The following IRF2 variants were observed in gnomAD, a reference collection of about 807,000 sequenced individuals.
IRF2 encodes interferon regulatory factor 2.
A neutral mutation model predicts 40.6 loss-of-function variants in IRF2; 15 were observed. The observed-to-expected ratio is 0.37, with a 90% confidence interval of 0.25 to 0.57. The LOEUF (loss-of-function observed/expected upper bound fraction) is 0.57, where lower values mean the gene tolerates loss of function less well. Among genes scored for constraint, IRF2 ranks in the 20% least tolerant of loss-of-function variants. IRF2 has a pLI of 0.77. For synonymous variants in IRF2, 151 were observed against 165.5 expected, an observed-to-expected ratio of 0.91 and a Z score of 0.67; for missense variants, 317 against 455.7, an observed-to-expected ratio of 0.70 and a Z score of 2.77.
chr4:184,390,244 G>A (rs1469014490), intron 8 of IRF2, among the ~76,000 whole-genome samples: 1 of 152,170 alleles, frequency 6.6e-6, no homozygotes, highest in Admixed American at 6.5e-5. Flanking sequence ...ACTCGGAATC[G>A]AGATGGGGCA....
intron 1 of IRF2, among the ~76,000 whole-genome samples, chr4:184,459,772 A>G (rs1427579110): frequency 6.6e-6 from 1 of 152,248 alleles, no homozygotes; most frequent in Non-Finnish European, 1.5e-5. Flanking sequence ...ATCATTAATT[A>G]CCAGGGAAAT....
intron 1 of IRF2, among the ~76,000 whole-genome samples, chr4:184,432,211 C>A (rs1465173613): frequency 6.6e-6 from 1 of 152,210 alleles, no homozygotes; most frequent in Non-Finnish European, 1.5e-5. Flanking sequence ...TCCACAACCC[C>A]CAAATCAATA....
chr4:184,418,047 G>C, intron 5 of IRF2, 120 bp downstream of exon 5: 1 of 785,848 alleles, frequency 1.3e-6, no homozygotes, highest in Non-Finnish European at 2.2e-6. Context: ...AAGCACAGAA[G>C]ACACAAGCAA....
chr4:184,392,768 T>C (rs1340429626), intron 7 of IRF2, among the ~76,000 whole-genome samples: 3 of 152,160 alleles, frequency 2.0e-5, no homozygotes, highest in Non-Finnish European at 4.4e-5. Flanking sequence ...ACTCCACTGG[T>C]CCCAGCCTGG....
rs1272983548 is a variant in IRF2 at position 184,425,978 on chromosome 4, T to TTTTTTTTGTTTG, written c.87+2999_87+3000insCAAACAAAAAAA. On this transcript the variant is annotated intron_variant, in intron 2 of 8. Transcript: ENST00000393593. ...AGGTCTCTGCAGGGCTCACTCCGGTTTTTGTTTGTTTGTTTGTTTGTTTGT... is the reference window on the plus strand; with the variant it reads ...AGGTCTCTGCAGGGCTCACTCCGGTTTTTTTTTGTTTGTTTGTTTGTTTGTTTGTTTGTTTGT... Among the ~76,000 whole-genome samples the TTTTTTTTGTTTG allele has an allele frequency of 9.1e-5, 9 of 98,922 alleles. No individual in the cohort carries two copies. The South Asian group carries it at 1.4e-3, about 15-fold the overall frequency. 64.9% of individuals were successfully genotyped at this position (98,922 alleles called of 152,430 possible). A position where few individuals can be genotyped will look rare whatever the true frequency, so the allele number is the denominator to read the frequency against.
At position 184,388,050 on chromosome 4, in the gene IRF2, C is replaced by A. The variant is rs921956261; in HGVS notation, c.*708G>T. The A allele has an allele frequency of 6.6e-6, 1 of 152,560 alleles. No individual in the cohort carries two copies. Among genetic ancestry groups the A allele is most frequent in the African/African-American group, 2.4e-5 (1 of 41,426 alleles). The allele number at this position is 152,560 out of a possible 1,614,324, so 9.5% of individuals were successfully genotyped here. Reference sequence around the variant, plus strand: ...GAATTTGCATAATATTTCCATGATACTTTTTCCTTTGTACCGCGTGGCATT... The same window carrying A: ...GAATTTGCATAATATTTCCATGATAATTTTTCCTTTGTACCGCGTGGCATT... On this transcript the variant is annotated 3_prime_UTR_variant, in exon 9 of 9. Coordinates refer to ENST00000393593, the MANE Select transcript of IRF2 (RefSeq NM_002199.4). This position sits in a 1 kb window ranked among gnomAD's most constrained non-coding sequence, Gnocchi z 4.6.
chr4:184,446,781 G>A (rs1238805374), intron 1 of IRF2, among the ~76,000 whole-genome samples: 5 of 151,776 alleles, frequency 3.3e-5, no homozygotes, highest in African/African-American at 4.8e-5. Flanking sequence ...GTGAAACCCC[G>A]TCTCTACTAA....
At chr4:184,411,084 G>T (rs937867778) in intron 5 of IRF2, among the ~76,000 whole-genome samples, 95 of 149,676 alleles carry the variant, frequency 6.3e-4, no homozygotes, top group Admixed American at 1.5e-3. Flanking sequence ...TTGACATGGG[G>T]TGTCACACTA....
intron 1 of IRF2, among the ~76,000 whole-genome samples, chr4:184,439,990 T>C (rs967062015): frequency 9.9e-5 from 15 of 152,210 alleles, no homozygotes; most frequent in Non-Finnish European, 2.1e-4. Context: ...ATGCAGTGTG[T>C]TAACGTTCAC....
intron 1 of IRF2, among the ~76,000 whole-genome samples, chr4:184,457,301 T>C (rs1188828345): frequency 6.6e-6 from 1 of 152,216 alleles, no homozygotes; most frequent in Admixed American, 6.5e-5. Context: ...CTCCAGTTCC[T>C]GAGTCCCACT....
intron 7 of IRF2, 75 bp from the exon 8 acceptor site, chr4:184,390,824 A>G (rs77089435): frequency 0.054 from 81,048 of 1,514,656 alleles, 2,335 homozygotes; most frequent in South Asian, 0.078. Flanking sequence ...CAGTGTTTAT[A>G]AAAAGGAGAC....
intron 5 of IRF2, among the ~76,000 whole-genome samples, chr4:184,410,573 C>T (rs1170296438): frequency 1.3e-5 from 2 of 152,206 alleles, no homozygotes; most frequent in Admixed American, 1.3e-4. Flanking sequence ...CATGCCCCAC[C>T]TTTCACTAGT....
chr4:184,422,229 C>G (rs746181969), intron 2 of IRF2, among the ~76,000 whole-genome samples: 1 of 152,150 alleles, frequency 6.6e-6, no homozygotes. Context: ...TCCTTTGTAG[C>G]AACATGAAAC....
At chr4:184,450,947 C>T (rs936875859) in intron 1 of IRF2, among the ~76,000 whole-genome samples, 9 of 152,144 alleles carry the variant, frequency 5.9e-5, no homozygotes, top group Non-Finnish European at 8.8e-5. Context: ...TCCTCCTCCA[C>T]GGAAGCCCTG....
rs536505606 is a variant in IRF2, at chr4:184,455,116, T to A, written c.-7+19263A>T. Among the ~76,000 whole-genome samples the A allele has an allele frequency of 3.9e-5, 6 of 152,202 alleles. No homozygotes were observed. In the South Asian group the frequency reaches 1.0e-3, roughly 26 times the overall value. The stretch of plus-strand genomic sequence containing the variant: ...TCCTTCCATGGTTCCACAACGCCCA[T>A]TGAATAAAATCTGGACTCCTGGCCA... On this transcript the variant is annotated intron_variant, in intron 1 of 8. Transcript: ENST00000393593.
rs1016533369 is a variant in IRF2 at position 184,464,483 on chromosome 4, T to A, written c.-7+9896A>T. On this transcript the variant is annotated intron_variant, in intron 1 of 8. Transcript: ENST00000393593. ...ATGAAGATAGGGAATGTACAGGACA[T>A]GAAGATAGGGACTATACAGGACATG... 2.0e-5 allele frequency among the ~76,000 whole-genome samples: 3 copies of A among 152,156 alleles called. No homozygotes were observed. The South Asian group carries it at 6.2e-4, about 32-fold the overall frequency.
Position 184,389,036 on chromosome 4 carries a change from C to T in IRF2, c.772G>A (p.Glu258Lys), listed in dbSNP as rs2149889361. 1.2e-6 allele frequency: 2 copies of T among 1,614,198 alleles called. No homozygotes were observed. The highest frequency in any genetic ancestry group is 8.5e-7 in the Non-Finnish European group (1 of 1,180,028). ...GRPHWRKRNI[E>K]GKQYLSNMGT... ...ATGTTGCTGAGGTACTGTTTGCCTT[C>T]AATATTCCTCTTCCGCCAGTGTGGC... Residue 258 changes from glutamate to lysine, a missense_variant, in exon 9 of 9, where the codon GAA becomes AAA. Physicochemically the swap from Glu to Lys is moderately conservative, Grantham distance 56. Around this residue, in one of 2 missense-constraint regions of IRF2, gnomAD observed 262 missense variants for 334.0 expected, o/e 0.78. Transcript: ENST00000393593.
At chr4:184,389,436 A>G (rs953663364) in intron 8 of IRF2, among the ~76,000 whole-genome samples, 1 of 152,150 alleles carries the variant, frequency 6.6e-6, no homozygotes, top group African/African-American at 2.4e-5. Context: ...AACCCACAAA[A>G]AAAATTTTAA....
At position 184,428,996 on chromosome 4, in the gene IRF2, C is replaced by T. The variant is rs779034185; in HGVS notation, c.69G>A (p.Gly23=). The change falls in exon 2 of 9, where the codon GGG becomes GGA. Residue 23 remains glycine, a synonymous_variant. Coordinates refer to ENST00000393593, the MANE Select transcript of IRF2 (RefSeq NM_002199.4). The stretch of plus-strand genomic sequence containing the variant: ...CACTCACCTTGTTAAGCCACTTGAG[C>T]CCCGGGATCGTGTTGGAGTTTATCT... ...EEQINSNTIP[G]LKWLNKEKKI... is the part of the protein sequence containing the mutation. The T allele has an allele frequency of 1.2e-5, 19 of 1,614,130 alleles. No individual in the cohort carries two copies. In the East Asian group the frequency reaches 4.0e-4, roughly 34 times the overall value.
Sources: gnomAD v4.1 joint callset for allele counts (sites outside exome capture counted in the v4.1 genomes callset) on GRCh38, gnomAD v4.1.1 for gene constraint, gnomAD v4.1.1 regional missense constraint, Gnocchi (gnomAD v3.1) non-coding constraint, MANE v1.5 for transcripts, NCBI Gene and HGNC (gene_info 2026-07-23, HGNC 2026-07-21) for gene names.